Variants in CERS3 observed in about 807,000 individuals in gnomAD.
The protein encoded by CERS3 is LAG1 homolog, ceramide synthase 3.
CERS3 carries 33 observed loss-of-function variants against 50.3 expected under a neutral mutation model. The ratio of observed to expected loss-of-function variants is 0.66; its 90% CI spans 0.50 to 0.88. The LOEUF (loss-of-function observed/expected upper bound fraction) is 0.88. Among genes scored for constraint, CERS3 ranks in the 40% least tolerant of loss-of-function variants. CERS3 has a pLI of 0.00. For missense variants in CERS3, 470 were observed against 460.3 expected (o/e 1.02, Z -0.19); for synonymous variants, 176 against 155.2 (o/e 1.13, Z -0.99).
At chr15:100,486,107 GGTTTTTAAAAAT>G (rs2035475028) in intron 4 of CERS3, among the ~76,000 whole-genome samples, 1 of 152,148 alleles carries the variant, frequency 6.6e-6, no homozygotes, top group South Asian at 2.1e-4. Context: ...GAAATCACTA[GGTTTTTAAAAAT>G]GTTGACCAAT....
At chr15:100,494,296 G>A (rs1431761598) in intron 3 of CERS3, among the ~76,000 whole-genome samples, 1 of 143,390 alleles carries the variant, frequency 7.0e-6, no homozygotes, top group Non-Finnish European at 1.5e-5. Context: ...CGCCCAGGCT[G>A]GAGTGCAGTG....
chr15:100,510,588 C>T (rs1021236645), intron 2 of CERS3, among the ~76,000 whole-genome samples: 4 of 152,136 alleles, frequency 2.6e-5, no homozygotes, highest in East Asian at 1.9e-4. Flanking sequence ...TGTGGCTGCC[C>T]GCTCCATGAG....
intron 2 of CERS3, among the ~76,000 whole-genome samples, chr15:100,518,215 C>G (rs1336478136): frequency 3.3e-5 from 5 of 151,812 alleles, no homozygotes; most frequent in Admixed American, 2.6e-4. Context: ...TAGGGGGTGA[C>G]AGAGACAGAG....
intron 11 of CERS3, among the ~76,000 whole-genome samples, chr15:100,411,078 T>TA (rs1416000623): frequency 3.3e-5 from 5 of 152,250 alleles, no homozygotes; most frequent in Non-Finnish European, 7.3e-5. Flanking sequence ...ATATGTCTTC[T>TA]TGTAATTGGC....
intron 11 of CERS3, among the ~76,000 whole-genome samples, chr15:100,405,241 AAAAAAAAC>A (rs201802195): frequency 0.46 from 53,546 of 116,478 alleles, 10,337 homozygotes; most frequent in Non-Finnish European, 0.55. Context: ...GGTAAAAAAA[AAAAAAAAC>A]AAAAAAAAAC....
intron 11 of CERS3, among the ~76,000 whole-genome samples, chr15:100,447,946 G>A (rs768290303): frequency 6.6e-6 from 1 of 152,184 alleles, no homozygotes; most frequent in East Asian, 1.9e-4. Context: ...TAGTCTAAAA[G>A]TTTGAATCAA....
At chr15:100,504,996 C>T (rs1177431405) in intron 2 of CERS3, among the ~76,000 whole-genome samples, 2 of 152,302 alleles carry the variant, frequency 1.3e-5, no homozygotes, top group Admixed American at 6.5e-5. Flanking sequence ...AGAAACCAGT[C>T]GAGGCCACAG....
rs773233152 is a variant in CERS3, at chr15:100,469,498, A to C, written c.739-14T>G. The C allele has an allele frequency of 2.6e-6, 4 of 1,533,516 alleles. No individual in the cohort carries two copies. The highest frequency in any genetic ancestry group is 3.6e-6 in the Non-Finnish European group (4 of 1,111,604). The allele number at this position is 1,533,516 out of a possible 1,614,324, so 95.0% of individuals were successfully genotyped here. On this transcript the variant is annotated splice_polypyrimidine_tract_variant and intron_variant, in intron 9 of 11. Coordinates refer to ENST00000679737, the MANE Select transcript of CERS3 (RefSeq NM_001378789.1). ...CATCTTAGCAGACTGCAAAAAAGAA[A>C]GAAACTGCAGATAAAGTGACAATAG...
intron 2 of CERS3, among the ~76,000 whole-genome samples, chr15:100,513,540 CTTT>C (rs11428048): frequency 0.32 from 46,478 of 143,868 alleles, 7,471 homozygotes; most frequent in East Asian, 0.37. Context: ...GTTTTCTTTT[CTTT>C]TTTTTTTTTT....
intron 11 of CERS3, among the ~76,000 whole-genome samples, chr15:100,406,220 A>G (rs1453526823): frequency 4.6e-5 from 7 of 152,222 alleles, no homozygotes. Context: ...TGACCCCAGG[A>G]TCACCCTCTA....
intron 11 of CERS3, among the ~76,000 whole-genome samples, chr15:100,451,317 A>C (rs111677777): frequency 0.03 from 4,564 of 152,312 alleles, 92 homozygotes; most frequent in African/African-American, 0.05. Flanking sequence ...AAACAGATTA[A>C]ACTTTCCACT....
rs1373834174 is a variant in CERS3, at chr15:100,484,678, G to A, written c.289-10C>T. 6.4e-7 allele frequency: 1 copy of A among 1,567,036 alleles called. No homozygotes were observed. Among genetic ancestry groups the A allele is most frequent in the Non-Finnish European group, 8.8e-7 (1 of 1,137,290 alleles). ...GTCCATAAATATCAGTCTGAAAAGG[G>A]ATGAAACGCATAAATGAGTGATAAA... On this transcript the variant is annotated splice_polypyrimidine_tract_variant and intron_variant, in intron 4 of 11. Transcript: ENST00000679737.
upstream of CERS3, among the ~76,000 whole-genome samples, chr15:100,532,666 G>A (rs531660140): frequency 7.2e-5 from 11 of 152,178 alleles, no homozygotes; most frequent in African/African-American, 2.6e-4. Flanking sequence ...GGCTGAGGTG[G>A]GAGGATCACC....
chr15:100,453,062 A>C (rs2034230736), intron 11 of CERS3, among the ~76,000 whole-genome samples: 1 of 152,080 alleles, frequency 6.6e-6, no homozygotes. Context: ...AAATTCCACC[A>C]AATTTACAAA....
At chr15:100,469,264 G>A (rs1440070237) in intron 10 of CERS3, 114 bp downstream of exon 10, 7 of 698,680 alleles carry the variant, frequency 1.0e-5, no homozygotes, top group Non-Finnish European at 1.8e-5. Flanking sequence ...AACTGCACTT[G>A]ACACAAATAA....
In CERS3 at chr15:100,417,487, A is replaced by G. The variant is rs866009604; in HGVS notation, c.1000-14622T>C. ...GCAGTCTGAGATCAAACTGCAAGGC[A>G]GCAGCGAGGCTGGGGGAGGGGCGCC... On this transcript the variant is annotated intron_variant, in intron 11 of 11. Transcript: ENST00000679737. Among the ~76,000 whole-genome samples, 732 of 151,734 alleles carry G rather than the reference A, an allele frequency of 4.8e-3. 13 individuals carry two copies. Among genetic ancestry groups the G allele is most frequent in the African/African-American group, 0.015 (631 of 41,048 alleles).
chr15:100,407,681 T>A (rs780898981), intron 11 of CERS3, among the ~76,000 whole-genome samples: 3 of 152,228 alleles, frequency 2.0e-5, no homozygotes, highest in Non-Finnish European at 4.4e-5. Context: ...AAAAAAAGAA[T>A]GGTTGTATCA....
chr15:100,520,199 G>A (rs1461473830), intron 2 of CERS3, among the ~76,000 whole-genome samples: 1 of 152,190 alleles, frequency 6.6e-6, no homozygotes, highest in African/African-American at 2.4e-5. Context: ...GGGAAGGCAG[G>A]GGACGTAGCA....
chr15:100,509,590 C>A (rs1008884573), intron 2 of CERS3, among the ~76,000 whole-genome samples: 2 of 152,142 alleles, frequency 1.3e-5, no homozygotes, highest in Non-Finnish European at 1.5e-5. Context: ...TGCAAGGATG[C>A]GCTTGAGTTC....
Sources: gnomAD v4.1 joint callset for allele counts (sites outside exome capture counted in the v4.1 genomes callset) on GRCh38, gnomAD v4.1.1 for gene constraint, MANE v1.5 for transcripts, NCBI Gene and HGNC (gene_info 2026-07-23, HGNC 2026-07-21) for gene names.